Variants in KCNIP4 observed in about 807,000 individuals in gnomAD.
KCNIP4 encodes the protein potassium voltage-gated channel interacting protein 4.
KCNIP4 carries 12 observed loss-of-function variants against 34.0 expected under a neutral mutation model. That is an observed-to-expected ratio of 0.35 (90% confidence interval 0.23 to 0.57). KCNIP4 has a LOEUF of 0.57. Ranked by LOEUF, KCNIP4 falls within the 20% of genes least tolerant of loss-of-function variation. KCNIP4 has a pLI of 0.83. For missense variants in KCNIP4, 238 were observed against 311.7 expected, an observed-to-expected ratio of 0.76 and a Z score of 1.78; for synonymous variants, 124 against 102.2, an observed-to-expected ratio of 1.21 and a Z score of -1.29.
At chr4:21,239,173 G>T (rs9991260) in intron 1 of KCNIP4, among the ~76,000 whole-genome samples, 32,295 of 150,382 alleles carry the variant, frequency 0.21, 5,901 homozygotes, top group African/African-American at 0.5. Flanking sequence ...GCTAGCCATA[G>T]GTAGAAAGCT....
chr4:21,556,930 A>AAAAAAAAAC (rs71191520), intron 1 of KCNIP4, among the ~76,000 whole-genome samples: 37 of 108,220 alleles, frequency 3.4e-4, no homozygotes, highest in Non-Finnish European at 4.6e-4. Context: ...CAGAAAAAAA[A>AAAAAAAAAC]AAAAAAAAAA....
chr4:21,944,644 T>C (rs1391318305), intron 1 of KCNIP4, among the ~76,000 whole-genome samples: 2 of 151,886 alleles, frequency 1.3e-5, no homozygotes, highest in Non-Finnish European at 2.9e-5. Flanking sequence ...CTTCATTCAT[T>C]CAATATCTGT....
At chr4:21,414,233 A>T (rs1474736565) in intron 1 of KCNIP4, among the ~76,000 whole-genome samples, 1 of 152,232 alleles carries the variant, frequency 6.6e-6, no homozygotes, top group African/African-American at 2.4e-5. Context: ...TGAGATGGTG[A>T]CAACTAAAGA....
intron 1 of KCNIP4, among the ~76,000 whole-genome samples, chr4:21,185,698 T>C (rs970216613): frequency 1.3e-5 from 2 of 152,220 alleles, no homozygotes; most frequent in African/African-American, 4.8e-5. Flanking sequence ...ATCATTCTAA[T>C]GGACATTTTC....
chr4:21,481,181 T>G (rs147831501), intron 1 of KCNIP4, among the ~76,000 whole-genome samples: 38 of 152,204 alleles, frequency 2.5e-4, no homozygotes, highest in Non-Finnish European at 4.7e-4. Flanking sequence ...CAAATGAAAT[T>G]TAAAAACAAA....
chr4:20,760,058 A>G (rs554740306), intron 3 of KCNIP4, among the ~76,000 whole-genome samples: 2 of 152,160 alleles, frequency 1.3e-5, no homozygotes, highest in Non-Finnish European at 2.9e-5. Context: ...GGGCGACTAT[A>G]TTTATTGACA....
intron 1 of KCNIP4, among the ~76,000 whole-genome samples, chr4:21,148,652 G>T (rs1287129869): frequency 1.4e-5 from 2 of 147,110 alleles, no homozygotes; most frequent in East Asian, 4.0e-4. Context: ...TCTTAAAAAA[G>T]AACTGGACCA....
At chr4:21,404,126 T>TG (rs1014457599) in intron 1 of KCNIP4, among the ~76,000 whole-genome samples, 6 of 152,256 alleles carry the variant, frequency 3.9e-5, no homozygotes, top group South Asian at 2.1e-4. Context: ...TTCCTCTGCC[T>TG]GGGGGGGCTC....
chr4:21,001,657 C>A (rs1738147290), intron 1 of KCNIP4, among the ~76,000 whole-genome samples: 1 of 152,204 alleles, frequency 6.6e-6, no homozygotes, highest in South Asian at 2.1e-4. Context: ...AGTGCCTACT[C>A]TGTTAAAGAT....
chr4:21,203,224 C>T (rs778415221), intron 1 of KCNIP4, among the ~76,000 whole-genome samples: 10 of 152,184 alleles, frequency 6.6e-5, no homozygotes, highest in Non-Finnish European at 1.2e-4. Flanking sequence ...GGGCTCTGGA[C>T]AGGCAGGTCT....
At chr4:21,421,741 A>T (rs1239880538) in intron 1 of KCNIP4, among the ~76,000 whole-genome samples, 1 of 152,250 alleles carries the variant, frequency 6.6e-6, no homozygotes, top group Non-Finnish European at 1.5e-5. Context: ...TAAAAAGACC[A>T]TAAATGTTCT....
At chr4:21,632,090 T>A (rs1400449819) in intron 1 of KCNIP4, among the ~76,000 whole-genome samples, 2 of 152,220 alleles carry the variant, frequency 1.3e-5, no homozygotes, top group Non-Finnish European at 2.9e-5. Context: ...TCCTTTTTTA[T>A]ATCCCTGGTT....
intron 1 of KCNIP4, among the ~76,000 whole-genome samples, chr4:21,481,418 G>C (rs147021047): frequency 2.9e-3 from 442 of 152,242 alleles, no homozygotes; most frequent in African/African-American, 0.01. Flanking sequence ...TCCAGGACCA[G>C]AGAGGGGGCT....
At chr4:20,920,804 A>G (rs1231154552) in intron 1 of KCNIP4, among the ~76,000 whole-genome samples, 1 of 152,168 alleles carries the variant, frequency 6.6e-6, no homozygotes, top group African/African-American at 2.4e-5. Flanking sequence ...AGCCTGGCCA[A>G]TATGATGAAA....
chr4:20,864,129 CATGT>C lies in KCNIP4; in HGVS notation c.164-13466_164-13463del, dbSNP rs967843966. 2.1e-3 allele frequency among the ~76,000 whole-genome samples: 290 copies of C among 137,738 alleles called. 1 individual carries two copies. Among genetic ancestry groups the C allele is most frequent in the African/African-American group, 7.0e-3 (279 of 39,964 alleles). 90.4% of individuals were successfully genotyped at this position (137,738 alleles called of 152,430 possible). On this transcript the variant is annotated intron_variant, in intron 2 of 8. Transcript: ENST00000382152. ...GTATGTATACATATCCATGTATACA[CATGT>C]ATGTATACATATCCATGTATGCATA... is the stretch of plus-strand genomic sequence containing the variant.
chr4:21,177,878 A>ATAT (rs397839047), intron 1 of KCNIP4, among the ~76,000 whole-genome samples: 2 of 145,492 alleles, frequency 1.4e-5, no homozygotes, highest in African/African-American at 5.3e-5. Flanking sequence ...ATATATATAT[A>ATAT]AAATATAACA....
intron 1 of KCNIP4, among the ~76,000 whole-genome samples, chr4:21,453,429 G>A (rs535033477): frequency 1.8e-4 from 27 of 152,062 alleles, no homozygotes; most frequent in Non-Finnish European, 3.5e-4. Flanking sequence ...GGAAACTGAG[G>A]CACAATTTGG....
intron 1 of KCNIP4, among the ~76,000 whole-genome samples, chr4:20,894,595 C>T (rs943255797): frequency 6.6e-6 from 1 of 152,148 alleles, no homozygotes; most frequent in East Asian, 1.9e-4. Context: ...ACTCTAAGAG[C>T]TTTGGCTTCT....
intron 1 of KCNIP4, among the ~76,000 whole-genome samples, chr4:21,738,359 G>A (rs776666052): frequency 8.6e-4 from 131 of 152,172 alleles, no homozygotes; most frequent in Middle Eastern, 3.4e-3. Flanking sequence ...CAAGGCAACT[G>A]GAAGAGGGAT....
Sources: gnomAD v4.1 joint callset for allele counts (sites outside exome capture counted in the v4.1 genomes callset) on GRCh38, gnomAD v4.1.1 for gene constraint, MANE v1.5 for transcripts, NCBI Gene and HGNC (gene_info 2026-07-23, HGNC 2026-07-21) for gene names.